The following PDE11A variants were observed in gnomAD, a reference collection of about 807,000 sequenced individuals.
PDE11A encodes phosphodiesterase 11A.
In PDE11A, 100 loss-of-function variants were observed where a neutral mutation model predicts 100.5. The ratio of observed to expected loss-of-function variants is 1.00; its 90% CI spans 0.85 to 1.18. The LOEUF (loss-of-function observed/expected upper bound fraction) is 1.18. Ranked by LOEUF, PDE11A falls within the 50% of genes most tolerant of loss-of-function variation. The pLI, the probability that PDE11A is intolerant of heterozygous loss-of-function variation, is 0.00. For missense variants in PDE11A, 1,141 were observed against 1,152.6 expected (o/e 0.99, Z 0.15); for synonymous variants, 381 against 420.8 (o/e 0.91, Z 1.16).
chr2:178,073,112 G>A (rs1359694749), upstream of PDE11A: 1 of 975,220 alleles, frequency 1.0e-6, no homozygotes. Flanking sequence ...GTGGGAGTCC[G>A]AGATACAAGT....
chr2:177,832,362 A>C (rs186297676), intron 6 of PDE11A, among the ~76,000 whole-genome samples: 285 of 152,260 alleles, frequency 1.9e-3, no homozygotes, highest in Non-Finnish European at 3.2e-3. Flanking sequence ...GCAGGCATAA[A>C]AATGTGAACA....
intron 9 of PDE11A, among the ~76,000 whole-genome samples, chr2:177,815,981 C>A (rs931931738): frequency 4.6e-5 from 7 of 152,078 alleles, no homozygotes; most frequent in African/African-American, 1.7e-4. Context: ...GAGGCCAAGG[C>A]GGGCAGATCA....
intron 1 of PDE11A, chr2:178,105,697 G>C: frequency 1.0e-6 from 1 of 956,816 alleles, no homozygotes; most frequent in South Asian, 2.3e-5. Flanking sequence ...CCTGAATGTG[G>C]AACCTGATGG....
In PDE11A at chr2:178,013,805, T is replaced by C. The variant is rs369731459; in HGVS notation, c.1071+497A>G. ...TACTTCCACCAAGGTCAATTACTCTTCAGGGACAAAAGTAATGTTCTTTTT... is the reference window on the plus strand; with the variant it reads ...TACTTCCACCAAGGTCAATTACTCTCCAGGGACAAAAGTAATGTTCTTTTT... On this transcript the variant is annotated intron_variant, in intron 2 of 19. Coordinates refer to ENST00000286063, the MANE Select transcript of PDE11A (RefSeq NM_016953.4). Among the ~76,000 whole-genome samples, 3 of 152,290 alleles carry C rather than the reference T, an allele frequency of 2.0e-5. No homozygotes were observed. The East Asian group carries it at 5.8e-4, about 29-fold the overall frequency.
intron 2 of PDE11A, among the ~76,000 whole-genome samples, chr2:177,946,330 G>T (rs2085428898): frequency 1.4e-5 from 2 of 141,322 alleles, no homozygotes; most frequent in Admixed American, 1.4e-4. Context: ...AGGGAGGTGG[G>T]GGGGGTCAGC....
intron 2 of PDE11A, among the ~76,000 whole-genome samples, chr2:177,991,642 G>A (rs79361463): frequency 0.015 from 2,270 of 150,428 alleles, 87 homozygotes; most frequent in East Asian, 0.092. Context: ...TTCAAAAAAT[G>A]ATAATAATAA....
chr2:177,857,621 G>A (rs970020091), intron 5 of PDE11A, among the ~76,000 whole-genome samples: 1 of 151,964 alleles, frequency 6.6e-6, no homozygotes, highest in South Asian at 2.1e-4. Context: ...AGGAATAGGG[G>A]AATACAAAGG....
At chr2:178,003,705 G>A (rs933134569) in intron 2 of PDE11A, among the ~76,000 whole-genome samples, 31 of 152,092 alleles carry the variant, frequency 2.0e-4, no homozygotes, top group Non-Finnish European at 2.5e-4. Context: ...GAATTAAATG[G>A]AGCATTGTAT....
chr2:177,641,508 A>G (rs1275234112), intron 19 of PDE11A, among the ~76,000 whole-genome samples: 2 of 151,720 alleles, frequency 1.3e-5, no homozygotes, highest in Non-Finnish European at 2.9e-5. Context: ...GTGAGAGCAG[A>G]TGGAGCTGGC....
At chr2:177,813,198 G>C (rs551148695) in intron 9 of PDE11A, among the ~76,000 whole-genome samples, 1 of 152,242 alleles carries the variant, frequency 6.6e-6, no homozygotes, top group Non-Finnish European at 1.5e-5. Context: ...TAACCTTTGA[G>C]GCTACTACTC....
At chr2:177,958,256 C>T (rs2085591344) in intron 2 of PDE11A, among the ~76,000 whole-genome samples, 1 of 151,998 alleles carries the variant, frequency 6.6e-6, no homozygotes, top group Non-Finnish European at 1.5e-5. Flanking sequence ...GTTTTTTTCT[C>T]CTCAGTACAT....
chr2:177,669,658 A>G, intron 17 of PDE11A, 91 bp from the exon 18 acceptor site: 2 of 757,708 alleles, frequency 2.6e-6, no homozygotes, highest in South Asian at 1.4e-5. Context: ...GGTGATCCTC[A>G]TCAACACAAT....
intron 5 of PDE11A, among the ~76,000 whole-genome samples, chr2:177,862,405 A>G (rs1301897218): frequency 1.3e-5 from 2 of 151,870 alleles, no homozygotes; most frequent in Admixed American, 1.3e-4. Context: ...AAGAAGTACA[A>G]TTATCTCTAT....
intron 10 of PDE11A, among the ~76,000 whole-genome samples, chr2:177,765,953 A>G (rs1324305551): frequency 1.3e-5 from 2 of 151,764 alleles, no homozygotes; most frequent in Admixed American, 6.6e-5. Flanking sequence ...GTAAAATTTG[A>G]CCTCCAGATT....
chr2:177,676,080 G>A (rs967367509), intron 16 of PDE11A: 2 of 187,210 alleles, frequency 1.1e-5, no homozygotes, highest in Non-Finnish European at 2.3e-5. Context: ...TCCAACAATG[G>A]TTTATAAGCA....
intron 1 of PDE11A, among the ~76,000 whole-genome samples, chr2:178,052,524 T>C (rs959001055): frequency 2.0e-5 from 3 of 151,976 alleles, no homozygotes; most frequent in African/African-American, 7.3e-5. Context: ...AGAGCAGAAC[T>C]GAAGGAGATA....
chr2:178,016,068 G>A (rs545311551), intron 1 of PDE11A, among the ~76,000 whole-genome samples: 6 of 149,564 alleles, frequency 4.0e-5, no homozygotes, highest in African/African-American at 7.4e-5. Flanking sequence ...GGGTTCAAGC[G>A]ATTCTCCTGC....
Position 177,737,180 on chromosome 2 carries a change from C to T in PDE11A, c.1789-9008G>A, listed in dbSNP as rs373652045. Among the ~76,000 whole-genome samples, 18 of 151,892 alleles carry T rather than the reference C, an allele frequency of 1.2e-4. 1 individual carries two copies. The South Asian group carries it at 1.9e-3, about 16-fold the overall frequency. On this transcript the variant is annotated intron_variant, in intron 10 of 19. Transcript: ENST00000286063. ...GCTTTAACCCGGAAGGCAGAGGTTG[C>T]GGTGAGCCAAGATCACGCCATTGCA...
chr2:177,722,705 C>A (rs2081548229), intron 12 of PDE11A, among the ~76,000 whole-genome samples: 2 of 152,154 alleles, frequency 1.3e-5, no homozygotes, highest in African/African-American at 4.8e-5. Context: ...TCTGCAAAAA[C>A]ATTTAAAAAT....
Sources: gnomAD v4.1 joint callset for allele counts (sites outside exome capture counted in the v4.1 genomes callset) on GRCh38, gnomAD v4.1.1 for gene constraint, MANE v1.5 for transcripts, NCBI Gene and HGNC (gene_info 2026-07-23, HGNC 2026-07-21) for gene names.